BLTP3A: variants seen among roughly 807,000 people sequenced by gnomAD.
BLTP3A encodes the protein ICBP90 binding protein 1.
the BLTP3A span, chr6:34,872,669 G>A: frequency 2.4e-6 from 1 of 409,336 alleles, no homozygotes; most frequent in Admixed American, 4.3e-5. Flanking sequence ...CCCTGTGTGT[G>A]GCACAAGCAT....
the BLTP3A span, among the ~76,000 whole-genome samples, chr6:34,849,322 C>G: frequency 6.6e-6 from 1 of 151,818 alleles, no homozygotes; most frequent in Non-Finnish European, 1.5e-5. Flanking sequence ...TGTGCCCAGC[C>G]AGTTTTTTTT....
the BLTP3A span, among the ~76,000 whole-genome samples, chr6:34,853,945 G>A: frequency 2.6e-4 from 39 of 152,094 alleles, no homozygotes; most frequent in Non-Finnish European, 4.3e-4. Flanking sequence ...GGCCAGGCAC[G>A]GTGGCTTATC....
the BLTP3A span, among the ~76,000 whole-genome samples, chr6:34,831,435 A>C: frequency 6.6e-6 from 1 of 152,064 alleles, no homozygotes; most frequent in Non-Finnish European, 1.5e-5. Flanking sequence ...GCCCACCCTT[A>C]ATTTTTTTTA....
chr6:34,821,994 TGGCCAGGGTAG>T, the BLTP3A span: 1 of 1,613,712 alleles, frequency 6.2e-7, no homozygotes, highest in Non-Finnish European at 8.5e-7. Flanking sequence ...CAAATGGGGA[TGGCCAGGGTAG>T]GCTTTTAGAA....
At chr6:34,796,983 G>A in the BLTP3A span, among the ~76,000 whole-genome samples, 9 of 152,318 alleles carry the variant, frequency 5.9e-5, no homozygotes, top group South Asian at 2.1e-4. Flanking sequence ...GATTACAGGC[G>A]TGAGCCACTG....
At chr6:34,817,672 T>G in the BLTP3A span, among the ~76,000 whole-genome samples, 1 of 152,174 alleles carries the variant, frequency 6.6e-6, no homozygotes. Context: ...AATAGAACAC[T>G]GAGCTTGGGG....
the BLTP3A span, chr6:34,864,249 C>A: frequency 6.5e-7 from 1 of 1,546,760 alleles, no homozygotes; most frequent in South Asian, 1.2e-5. Context: ...AAAGGGTTCT[C>A]TCTGCTGCCT....
the BLTP3A span, among the ~76,000 whole-genome samples, chr6:34,866,611 T>C: frequency 6.6e-6 from 1 of 152,120 alleles, no homozygotes; most frequent in Non-Finnish European, 1.5e-5. Flanking sequence ...ATCCTAACCG[T>C]TTTTAAGTGG....
the BLTP3A span, among the ~76,000 whole-genome samples, chr6:34,826,641 A>G: frequency 6.6e-6 from 1 of 152,162 alleles, no homozygotes; most frequent in Admixed American, 6.5e-5. Context: ...TACAGACGTG[A>G]GCGACTGTGC....
chr6:34,835,440 G>A, the BLTP3A span: 1 of 1,614,174 alleles, frequency 6.2e-7, no homozygotes, highest in Non-Finnish European at 8.5e-7. Flanking sequence ...ATCAAAGAAA[G>A]AGCCTGGCCC....
the BLTP3A span, among the ~76,000 whole-genome samples, chr6:34,837,382 A>C: frequency 6.6e-6 from 1 of 152,188 alleles, no homozygotes; most frequent in South Asian, 2.1e-4. Context: ...CTCTACAAAA[A>C]ATTTGAAAAT....
the BLTP3A span, chr6:34,792,100 G>C: frequency 2.4e-6 from 1 of 415,386 alleles, no homozygotes; most frequent in South Asian, 5.8e-5. Flanking sequence ...AGCGCCAGGC[G>C]CCCAAAGAGG....
At chr6:34,866,101 T>C in the BLTP3A span, among the ~76,000 whole-genome samples, 1 of 152,188 alleles carries the variant, frequency 6.6e-6, no homozygotes, top group Admixed American at 6.5e-5. Flanking sequence ...GATTTCTGCC[T>C]TGGGAAGCAT....
the BLTP3A span, chr6:34,821,433 TG>T: frequency 7.3e-5 from 27 of 369,168 alleles, no homozygotes; most frequent in South Asian, 6.1e-4. Flanking sequence ...GTGGTCTGAG[TG>T]CATTTGTTCT....
At chr6:34,826,301 C>T in the BLTP3A span, among the ~76,000 whole-genome samples, 9 of 151,632 alleles carry the variant, frequency 5.9e-5, no homozygotes, top group East Asian at 7.7e-4. Flanking sequence ...GGATTACAGG[C>T]GTGAGCCACC....
the BLTP3A span, chr6:34,856,408 A>C: frequency 1.2e-6 from 2 of 1,613,852 alleles, no homozygotes; most frequent in East Asian, 4.5e-5. Context: ...GGAGAAAAGC[A>C]GGTGGGTTAT....
chr6:34,857,406 C>G, the BLTP3A span: 2 of 1,614,200 alleles, frequency 1.2e-6, no homozygotes. Flanking sequence ...ACCTCCCTAC[C>G]CAGGTCTCTG....
chr6:34,820,680 GTGTT>G, the BLTP3A span, among the ~76,000 whole-genome samples: 10 of 148,350 alleles, frequency 6.7e-5, no homozygotes, highest in African/African-American at 2.5e-4. Flanking sequence ...GCTCTGTCTG[GTGTT>G]TGTTTGTTTT....
chr6:34,855,391 A>G, the BLTP3A span, among the ~76,000 whole-genome samples: 4 of 152,196 alleles, frequency 2.6e-5, no homozygotes, highest in Admixed American at 2.0e-4. Flanking sequence ...TTACAGAGAC[A>G]ATGGAATATA....
Sources: allele counts gnomAD v4.1 joint callset (sites outside exome capture counted in the v4.1 genomes callset), GRCh38; gene constraint gnomAD v4.1.1; transcripts MANE v1.5; gene names NCBI Gene and HGNC (gene_info 2026-07-23, HGNC 2026-07-21).